The following ECHDC1 variants were observed in gnomAD, a reference collection of about 807,000 sequenced individuals.
ECHDC1 encodes the protein ethylmalonyl-CoA decarboxylase 1.
ECHDC1 carries 29 observed loss-of-function variants against 29.7 expected under a neutral mutation model. That is an observed-to-expected ratio of 0.98 (90% CI 0.73 to 1.33). The LOEUF is 1.33. Among genes scored for constraint, ECHDC1 ranks in the 40% most tolerant of loss-of-function variants. The probability of loss-of-function intolerance (pLI) is 0.00; values close to 1 mark genes in which losing one functional copy is unlikely to be tolerated. For missense variants in ECHDC1, 328 were observed against 350.0 expected, an observed-to-expected ratio of 0.94 and a Z score of 0.50; for synonymous variants, 126 against 123.1, an observed-to-expected ratio of 1.02 and a Z score of -0.15.
At chr6:127,341,159 C>G (rs1316414857) in intron 1 of ECHDC1, among the ~76,000 whole-genome samples, 1 of 152,176 alleles carries the variant, frequency 6.6e-6, no homozygotes, top group African/African-American at 2.4e-5. Flanking sequence ...TCTATTCCCT[C>G]CCACTACTGT....
intron 3 of ECHDC1, among the ~76,000 whole-genome samples, chr6:127,323,650 C>T (rs529054459): frequency 1.4e-3 from 219 of 152,214 alleles, no homozygotes; most frequent in African/African-American, 5.1e-3. Context: ...CTTTCAAATC[C>T]AAGTTTATCA....
intron 5 of ECHDC1, among the ~76,000 whole-genome samples, chr6:127,304,233 G>A (rs1781274540): frequency 6.6e-6 from 1 of 152,142 alleles, no homozygotes; most frequent in African/African-American, 2.4e-5. Context: ...AGAAAGTGAG[G>A]GAAGAGAACA....
chr6:127,337,368 A>C (rs971756824), intron 1 of ECHDC1, among the ~76,000 whole-genome samples: 1 of 152,298 alleles, frequency 6.6e-6, no homozygotes, highest in African/African-American at 2.4e-5. Context: ...TGCACAAAAA[A>C]ACTTGGTCTC....
At chr6:127,326,044 C>CAGTAGAGTTTCATTAAT (rs1386744952) in intron 3 of ECHDC1, among the ~76,000 whole-genome samples, 1 of 152,054 alleles carries the variant, frequency 6.6e-6, no homozygotes, top group Non-Finnish European at 1.5e-5. Flanking sequence ...TGAAATCATA[C>CAGTAGAGTTTCATTAAT]AGTAGAGTTT....
intron 5 of ECHDC1, among the ~76,000 whole-genome samples, chr6:127,303,769 T>C (rs1177682364): frequency 6.6e-6 from 1 of 152,216 alleles, no homozygotes; most frequent in Admixed American, 6.5e-5. Context: ...CAGTATTCCC[T>C]GTGAGCCAGT....
At chr6:127,312,621 T>C (rs1267981283) in intron 5 of ECHDC1, among the ~76,000 whole-genome samples, 1 of 152,176 alleles carries the variant, frequency 6.6e-6, no homozygotes, top group East Asian at 1.9e-4. Context: ...CCCACACAAA[T>C]ACTTATACAT....
rs770137102 is a variant in ECHDC1 at position 127,290,165 on chromosome 6, T to A, written c.610A>T (p.Lys204Ter). ...VEIIGSRQAL[K>*]VLSGALKLDS... is the part of the protein sequence containing the mutation. The stretch of plus-strand genomic sequence containing the variant: ...AGTTTAAGGGCCCCACTCAACACTT[T>A]GAGAGCTTGTCTACTTCCGATTATT... Residue 204 changes from lysine (K) to a stop codon, truncating the protein, a stop_gained, in exon 6 of 6, where the codon AAA (lysine) becomes TAA (stop). Transcript: ENST00000454859. LOFTEE classifies it high-confidence loss of function. 1 of 1,613,744 alleles carries A rather than the reference T, an allele frequency of 6.2e-7. No homozygotes were observed. Among genetic ancestry groups the A allele is most frequent in the Non-Finnish European group, 8.5e-7 (1 of 1,179,774 alleles).
intron 5 of ECHDC1, among the ~76,000 whole-genome samples, chr6:127,297,949 A>T (rs1582933212): frequency 6.6e-6 from 1 of 152,306 alleles, no homozygotes; most frequent in Non-Finnish European, 1.5e-5. Context: ...CTTGATTGTG[A>T]GACAAGGAGC....
rs184174462 is a variant in ECHDC1, at chr6:127,289,676, C to T, written c.*193G>A. 1.4e-5 allele frequency: 8 copies of T among 555,462 alleles called. No individual in the cohort carries two copies. Among genetic ancestry groups the T allele is most frequent in the South Asian group, 6.8e-5 (2 of 29,484 alleles). The allele number at this position is 555,462 out of a possible 1,614,324, so 34.4% of individuals were successfully genotyped here. A position where few individuals can be genotyped will look rare whatever the true frequency, so the allele number is the denominator to read the frequency against. On this transcript the variant is annotated 3_prime_UTR_variant, in exon 6 of 6. Coordinates refer to ENST00000454859, the MANE Select transcript of ECHDC1 (RefSeq NM_001002030.2). The stretch of plus-strand genomic sequence containing the variant: ...TATTTTAGCTAAATGTTCCAGATTA[C>T]GCAGTAAATACCCAAGTGAGTAATT...
intron 1 of ECHDC1, among the ~76,000 whole-genome samples, chr6:127,337,682 T>C (rs549138999): frequency 6.6e-6 from 1 of 152,312 alleles, no homozygotes; most frequent in Middle Eastern, 3.4e-3. Flanking sequence ...ATAAATCTCT[T>C]AAAATATTTT....
In ECHDC1 at chr6:127,336,186, T is replaced by C. The variant is rs368883953; in HGVS notation, c.-2-5156A>G. Among the ~76,000 whole-genome samples, 9 of 152,240 alleles carry C rather than the reference T, an allele frequency of 5.9e-5. No homozygotes were observed. In the South Asian group the frequency reaches 1.7e-3, roughly 28 times the overall value. On this transcript the variant is annotated intron_variant, in intron 1 of 5. Transcript: ENST00000454859. ...TTATATCACAGATGTTCTCACCACCTAATTTAGTGCAATAATAGGTACTTT... is the reference window on the plus strand; with the variant it reads ...TTATATCACAGATGTTCTCACCACCCAATTTAGTGCAATAATAGGTACTTT...
At chr6:127,338,056 A>G (rs1784587963) in intron 1 of ECHDC1, among the ~76,000 whole-genome samples, 1 of 152,214 alleles carries the variant, frequency 6.6e-6, no homozygotes, top group Non-Finnish European at 1.5e-5. Context: ...TCAGAAATAA[A>G]AACAGTTATT....
intron 1 of ECHDC1, among the ~76,000 whole-genome samples, chr6:127,333,211 T>C (rs1424760846): frequency 6.6e-6 from 1 of 152,206 alleles, no homozygotes; most frequent in Admixed American, 6.5e-5. Flanking sequence ...AGGAATTTCC[T>C]TATGGACAAA....
intron 1 of ECHDC1, among the ~76,000 whole-genome samples, chr6:127,336,544 T>C (rs1297077447): frequency 1.3e-5 from 2 of 152,208 alleles, no homozygotes; most frequent in Non-Finnish European, 2.9e-5. Flanking sequence ...CCATTAGTTA[T>C]CTACCATTAT....
In ECHDC1 at chr6:127,330,939, A is replaced by G; in HGVS notation, c.90T>C (p.His30=). The change falls in exon 2 of 6, where the codon CAT becomes CAC. Residue 30 remains histidine (H), a synonymous_variant. Coordinates refer to ENST00000454859, the MANE Select transcript of ECHDC1 (RefSeq NM_001002030.2). The part of the protein sequence containing the change: ...QTGLSLYSTS[H]GFYEEEVKKT... ...TTTTCACTTCTTCCTCATAAAATCC[A>G]TGGGATGTACTATAAAGTGACAATC... is the stretch of plus-strand genomic sequence containing the variant. 1.2e-6 allele frequency: 2 copies of G among 1,614,112 alleles called. No individual in the cohort carries two copies. The highest frequency in any genetic ancestry group is 1.7e-6 in the Non-Finnish European group (2 of 1,180,012).
Position 127,327,263 on chromosome 6 carries a change from T to C in ECHDC1, c.221-119A>G. 12 of 1,154,418 alleles carry C rather than the reference T, an allele frequency of 1.0e-5. No individual in the cohort carries two copies. The South Asian group carries it at 1.8e-4, about 18-fold the overall frequency. The allele number at this position is 1,154,418 out of a possible 1,614,324, so 71.5% of individuals were successfully genotyped here. On this transcript the variant is annotated intron_variant, in intron 2 of 5. Coordinates refer to ENST00000454859, the MANE Select transcript of ECHDC1 (RefSeq NM_001002030.2). ...GGTCCTATATTTTATAAATATTTAC[T>C]GAGTGTCTATCAAATGCCTACTGCA...
chr6:127,343,295 A>C (rs1337492486), intron 1 of ECHDC1, 41 bp downstream of exon 1: 1 of 152,210 alleles, frequency 6.6e-6, no homozygotes, highest in Non-Finnish European at 1.5e-5. Flanking sequence ...CACTGACAAC[A>C]CTAAACTGAA....
At chr6:127,315,048 T>C in intron 4 of ECHDC1, 152 bp from the exon 5 acceptor site, 3 of 745,512 alleles carry the variant, frequency 4.0e-6, no homozygotes, top group Non-Finnish European at 7.3e-6. Context: ...AGCAGAAGCT[T>C]GAACCTTTAC....
At chr6:127,328,764 C>T (rs974274680) in intron 2 of ECHDC1, among the ~76,000 whole-genome samples, 10 of 152,210 alleles carry the variant, frequency 6.6e-5, no homozygotes, top group South Asian at 2.1e-4. Context: ...CAGTGGCTCA[C>T]GCCTGTAATC....
Sources: allele counts gnomAD v4.1 joint callset (sites outside exome capture counted in the v4.1 genomes callset), GRCh38; gene constraint gnomAD v4.1.1; transcripts MANE v1.5; gene names NCBI Gene and HGNC (gene_info 2026-07-23, HGNC 2026-07-21).